Variants in SNAP47 observed in about 807,000 individuals in gnomAD.
SNAP47 encodes the protein synaptosomal-associated protein 47.
In SNAP47, 20 loss-of-function variants were observed where a neutral mutation model predicts 31.4. That is an observed-to-expected ratio of 0.64 (90% CI 0.45 to 0.93). SNAP47 has a LOEUF of 0.93. Among genes scored for constraint, SNAP47 ranks in the 40% least tolerant of loss-of-function variants. The probability of loss-of-function intolerance (pLI) is 0.00; values close to 1 mark genes in which losing one functional copy is unlikely to be tolerated. For synonymous variants in SNAP47, 194 were observed against 213.4 expected (o/e 0.91, Z 0.79); for missense variants, 492 against 528.5 (o/e 0.93, Z 0.68).
At position 227,745,997 on chromosome 1, in the gene SNAP47, G is replaced by C. The variant is rs142566801; in HGVS notation, c.-45-1695G>C. Reference sequence around the variant, plus strand: ...TAGGCTTCCAGCGGGATTTCTCATTGATTAGCCTGGCTGGGACCAAATCTG... The same window carrying C: ...TAGGCTTCCAGCGGGATTTCTCATTCATTAGCCTGGCTGGGACCAAATCTG... On this transcript the variant is annotated intron_variant, in intron 1 of 4. Transcript: ENST00000617596. The C allele has an allele frequency of 7.9e-3, 1,209 of 152,348 alleles. 7 individuals are homozygous for C. The highest frequency in any genetic ancestry group is 0.012 in the Admixed American group (187 of 15,306). 9.4% of individuals were successfully genotyped at this position (152,348 alleles called of 1,614,324 possible).
chr1:227,767,099 T>C lies in SNAP47; in HGVS notation c.1113+16T>C. On this transcript the variant is annotated intron_variant, in intron 4 of 4. Transcript: ENST00000617596. ...ACTAACCCAGGTAAGATGTCCCCAG[T>C]GCCATGCCAGCCAGCGCTGTGTCCC... The C allele has an allele frequency of 1.2e-6, 2 of 1,613,858 alleles. No homozygotes were observed. Among genetic ancestry groups the C allele is most frequent in the Non-Finnish European group, 1.7e-6 (2 of 1,179,936 alleles).
At chr1:227,735,129 A>C, upstream of SNAP47, 1 of 1,579,940 alleles carries the variant, frequency 6.3e-7, no homozygotes, top group Non-Finnish European at 8.6e-7. Context: ...TTGGGCAGCA[A>C]GAAGCCCCGC....
Position 227,763,262 on chromosome 1 carries a change from G to A in SNAP47, c.989-3697G>A, listed in dbSNP as rs1020673753. Among the ~76,000 whole-genome samples the A allele has an allele frequency of 4.6e-5, 7 of 152,102 alleles. No homozygotes were observed. Among genetic ancestry groups the A allele is most frequent in the Admixed American group, 2.6e-4 (4 of 15,264 alleles). ...GAGCCTCTACCCTGCTGTGCACAGC[G>A]TATTTGAAGGCTGTTTGATCACTGA... On this transcript the variant is annotated intron_variant, in intron 3 of 4. Coordinates refer to ENST00000617596, the MANE Select transcript of SNAP47 (RefSeq NM_053052.4). The surrounding 1 kb of genome is among the most constrained non-coding windows in gnomAD (Gnocchi z 4.2).
At chr1:227,732,132 A>C (rs993556344), upstream of SNAP47, 1 of 564,962 alleles carries the variant, frequency 1.8e-6, no homozygotes, top group Non-Finnish European at 3.2e-6. Context: ...AGGGCCCCCA[A>C]AAGAGCCAGG....
intron 2 of SNAP47, among the ~76,000 whole-genome samples, chr1:227,753,972 A>G (rs758922584): frequency 7.9e-5 from 12 of 152,200 alleles, no homozygotes; most frequent in Admixed American, 6.5e-4. Flanking sequence ...AACCAGCTCA[A>G]TTAGACTCTC....
At chr1:227,770,545 T>TA (rs1663735404) in intron 4 of SNAP47, 1 of 154,836 alleles carries the variant, frequency 6.5e-6, no homozygotes, top group African/African-American at 2.4e-5. Flanking sequence ...AACATCCCTT[T>TA]CTTTCCTTTT....
intron 2 of SNAP47, 151 bp downstream of exon 2, chr1:227,748,384 G>A (rs531399146): frequency 4.3e-4 from 372 of 864,266 alleles, no homozygotes; most frequent in Admixed American, 1.2e-3. Context: ...CATGCTTAGT[G>A]GGTACGCACA....
At chr1:227,750,642 G>C (rs2102927065) in intron 2 of SNAP47, among the ~76,000 whole-genome samples, 1 of 152,276 alleles carries the variant, frequency 6.6e-6, no homozygotes, top group South Asian at 2.1e-4. Context: ...GGTGTCCCTG[G>C]GCTGGACCCT....
At chr1:227,735,063 A>G, upstream of SNAP47, 4 of 1,559,978 alleles carry the variant, frequency 2.6e-6, no homozygotes, top group Non-Finnish European at 3.5e-6. Flanking sequence ...GGCGTCACCC[A>G]GCGCCGCCGG....
chr1:227,776,815 T>C, intron 4 of SNAP47: 2 of 985,488 alleles, frequency 2.0e-6, no homozygotes, highest in Non-Finnish European at 2.4e-6. Context: ...TCAAGTGCAA[T>C]TTTGGCAGGC....
chr1:227,764,975 T>A (rs1275274600), intron 3 of SNAP47, among the ~76,000 whole-genome samples: 1 of 152,174 alleles, frequency 6.6e-6, no homozygotes, highest in African/African-American at 2.4e-5. Context: ...CTCGGGAGGC[T>A]GAAGCAAGAG....
In SNAP47 at chr1:227,766,988, C is replaced by T. The variant is rs78405690; in HGVS notation, c.1018C>T (p.Arg340Cys). 19,978 of 1,613,928 alleles carry T rather than the reference C, an allele frequency of 0.012. 290 individuals carry two copies. The highest frequency in any genetic ancestry group is 0.07 in the East Asian group (3,131 of 44,884). The change falls in exon 4 of 5, where the codon CGT becomes TGT. Residue 340 changes from arginine (R) to cysteine (C), a missense_variant. Arg to Cys is a radical substitution (Grantham distance 180). Coordinates refer to ENST00000617596, the MANE Select transcript of SNAP47 (RefSeq NM_053052.4). The part of the protein sequence containing the change: ...ASGLMGRTLH[R>C]EPPAGDQEGT... ...TGGGCTGATGGGCCGTACCCTGCAC[C>T]GTGAGCCACCCGCAGGAGACCAGGA... is the stretch of plus-strand genomic sequence containing the variant.
In SNAP47 at chr1:227,741,720, C is replaced by A. The variant is rs537871852; in HGVS notation, c.-45-5972C>A. On this transcript the variant is annotated intron_variant, in intron 1 of 4. Transcript: ENST00000617596. This position sits in a 1 kb window ranked among gnomAD's most constrained non-coding sequence, Gnocchi z 4.2. ...CTCTGTGTGGGGCCAGGCGTGTCGT[C>A]GGGTAGGGGAATGGCTGGCCGGCGT... is the stretch of plus-strand genomic sequence containing the variant. 4.6e-5 allele frequency among the ~76,000 whole-genome samples: 7 copies of A among 152,110 alleles called. No individual in the cohort carries two copies. In the South Asian group the frequency reaches 1.5e-3, roughly 32 times the overall value.
At chr1:227,738,023 T>G (rs1013510910) in intron 1 of SNAP47, among the ~76,000 whole-genome samples, 1 of 152,004 alleles carries the variant, frequency 6.6e-6, no homozygotes, top group Admixed American at 6.6e-5. Flanking sequence ...TTGGTTTTTT[T>G]GTTTTTTGTT....
Position 227,780,816 on chromosome 1 carries a change from T to C in SNAP47, c.*143T>C. ...GGGGCTGCTACTGTGGGGCTGCTTC[T>C]GCACCAGGGGCCTCCCCAGGTGTGC... On this transcript the variant is annotated 3_prime_UTR_variant, in exon 5 of 5. Coordinates refer to ENST00000617596, the MANE Select transcript of SNAP47 (RefSeq NM_053052.4). The C allele has an allele frequency of 8.3e-7, 1 of 1,198,436 alleles. No homozygotes were observed. The highest frequency in any genetic ancestry group is 1.1e-6 in the Non-Finnish European group (1 of 872,452). 74.2% of individuals were successfully genotyped at this position (1,198,436 alleles called of 1,614,324 possible).
intron 1 of SNAP47, among the ~76,000 whole-genome samples, chr1:227,740,675 C>G (rs948940187): frequency 1.3e-5 from 2 of 152,178 alleles, no homozygotes; most frequent in East Asian, 1.9e-4. Flanking sequence ...CAGACAATGC[C>G]TGTGCCAGGT....
At chr1:227,742,860 G>A (rs1426649625) in intron 1 of SNAP47, among the ~76,000 whole-genome samples, 3 of 152,236 alleles carry the variant, frequency 2.0e-5, no homozygotes, top group Admixed American at 6.5e-5. Flanking sequence ...CTGAGAAGCA[G>A]ACATCTTTGT....
intron 1 of SNAP47, among the ~76,000 whole-genome samples, chr1:227,744,571 C>T (rs74780470): frequency 0.019 from 2,815 of 151,754 alleles, 88 homozygotes; most frequent in African/African-American, 0.065. Context: ...CTTCTCCCTC[C>T]CTCCCCCTCC....
rs1663147776 is a variant in SNAP47, at chr1:227,762,776, T to C, written c.988+3291T>C. Among the ~76,000 whole-genome samples the C allele has an allele frequency of 6.6e-6, 1 of 152,100 alleles. No individual in the cohort carries two copies. The highest frequency in any genetic ancestry group is 2.4e-5 in the African/African-American group (1 of 41,418). ...ACCGCACAATCACCCTCCTCACATGTCTCTGGGCCCTGTGGCTTCTGACAG... is the reference window on the plus strand; with the variant it reads ...ACCGCACAATCACCCTCCTCACATGCCTCTGGGCCCTGTGGCTTCTGACAG... On this transcript the variant is annotated intron_variant, in intron 3 of 4. Coordinates refer to ENST00000617596, the MANE Select transcript of SNAP47 (RefSeq NM_053052.4). The surrounding 1 kb of genome is among the most constrained non-coding windows in gnomAD (Gnocchi z 4.2).
Sources: gnomAD v4.1 joint callset for allele counts (sites outside exome capture counted in the v4.1 genomes callset) on GRCh38, gnomAD v4.1.1 for gene constraint, Gnocchi (gnomAD v3.1) non-coding constraint, MANE v1.5 for transcripts, NCBI Gene and HGNC (gene_info 2026-07-23, HGNC 2026-07-21) for gene names.